DPP6: variants seen among roughly 807,000 people sequenced by gnomAD.
DPP6 encodes the protein A-type potassium channel modulatory protein DPP6.
DPP6 carries 69 observed loss-of-function variants against 122.6 expected under a neutral mutation model. That is an observed-to-expected ratio of 0.56 (90% CI 0.46 to 0.69). DPP6 has a LOEUF of 0.69. Among genes scored for constraint, DPP6 ranks in the 30% least tolerant of loss-of-function variants. The probability of loss-of-function intolerance (pLI) is 0.00; values close to 1 mark genes in which losing one functional copy is unlikely to be tolerated. For synonymous variants in DPP6, 418 were observed against 433.1 expected (o/e 0.97, Z 0.43); for missense variants, 928 against 1,116.9 (o/e 0.83, Z 2.41).
intron 1 of DPP6, among the ~76,000 whole-genome samples, chr7:154,412,109 G>A (rs1382059018): frequency 6.6e-6 from 1 of 152,102 alleles, no homozygotes; most frequent in Admixed American, 6.5e-5. Flanking sequence ...AGAGAGCTCT[G>A]TGGGGTCTCT....
At chr7:153,916,705 CCTT>C (rs1399980379) in intron 1 of DPP6, among the ~76,000 whole-genome samples, 8 of 152,058 alleles carry the variant, frequency 5.3e-5, no homozygotes, top group Non-Finnish European at 7.3e-5. Flanking sequence ...CTGCACCCGG[CCTT>C]CTTTTTTATT....
the DPP6 span, among the ~76,000 whole-genome samples, chr7:153,778,371 ATG>A: frequency 6.6e-6 from 1 of 152,088 alleles, no homozygotes; most frequent in Admixed American, 6.6e-5. Context: ...ATAAATATAA[ATG>A]TGTGTGTATA....
chr7:154,275,858 C>G (rs1804093525), intron 1 of DPP6, among the ~76,000 whole-genome samples: 1 of 152,210 alleles, frequency 6.6e-6, no homozygotes, highest in Non-Finnish European at 1.5e-5. Context: ...TGGAGATATC[C>G]ATGGCCATTC....
At chr7:153,944,388 C>T (rs1009969942) in intron 1 of DPP6, among the ~76,000 whole-genome samples, 2 of 152,218 alleles carry the variant, frequency 1.3e-5, no homozygotes, top group African/African-American at 4.8e-5. Context: ...AGGGCCCTGC[C>T]GGGTCATGTG....
the DPP6 span, among the ~76,000 whole-genome samples, chr7:153,757,125 G>T: frequency 2.0e-5 from 3 of 152,176 alleles, no homozygotes; most frequent in African/African-American, 7.2e-5. Context: ...AGTCAAAAGA[G>T]ATGGAGGAAG....
In DPP6 at chr7:154,801,463, G is replaced by A; in HGVS notation, c.1407+1G>A. On this transcript the variant is annotated splice_donor_variant, in intron 13 of 25. Coordinates refer to ENST00000377770, the MANE Select transcript of DPP6 (RefSeq NM_130797.4). LOFTEE classifies it high-confidence loss of function. ...TCACATCACGGTGTCCTCGTCCCAG[G>A]TAAGTCCTGCTAGTTTCCGGAGCTG... 2 of 1,571,692 alleles carry A rather than the reference G, an allele frequency of 1.3e-6. No individual in the cohort carries two copies. Among genetic ancestry groups the A allele is most frequent in the Non-Finnish European group, 1.7e-6 (2 of 1,156,942 alleles).
chr7:154,615,236 T>TA (rs995866392), intron 5 of DPP6, among the ~76,000 whole-genome samples: 14 of 152,156 alleles, frequency 9.2e-5, no homozygotes, highest in African/African-American at 2.9e-4. Context: ...AAGATTATCC[T>TA]AACGAGCCTC....
chr7:153,995,413 C>T (rs533267035), intron 1 of DPP6, among the ~76,000 whole-genome samples: 13 of 151,868 alleles, frequency 8.6e-5, no homozygotes, highest in Admixed American at 1.3e-4. Context: ...GGTGAAACCC[C>T]GTCTCTACTA....
At chr7:154,085,305 G>A (rs1311023174) in intron 1 of DPP6, among the ~76,000 whole-genome samples, 2 of 151,942 alleles carry the variant, frequency 1.3e-5, no homozygotes, top group Admixed American at 1.3e-4. Context: ...AGCTTTTCCG[G>A]ACATTCTGCA....
chr7:154,324,620 G>C (rs1261107379), intron 1 of DPP6, among the ~76,000 whole-genome samples: 1 of 152,040 alleles, frequency 6.6e-6, no homozygotes, highest in African/African-American at 2.4e-5. Context: ...GTCTGGGTTG[G>C]GGGTGTTTCC....
At chr7:154,186,582 G>T (rs559316559) in intron 1 of DPP6, among the ~76,000 whole-genome samples, 49 of 152,196 alleles carry the variant, frequency 3.2e-4, no homozygotes, top group Non-Finnish European at 6.8e-4. Flanking sequence ...AACTGACTTG[G>T]GGTCCCAAGC....
chr7:154,342,158 G>A (rs1156391885), intron 1 of DPP6, among the ~76,000 whole-genome samples: 2 of 152,210 alleles, frequency 1.3e-5, no homozygotes, highest in Non-Finnish European at 2.9e-5. Flanking sequence ...GGGAGGGAGA[G>A]AATGTCTAGG....
chr7:154,111,264 G>A (rs1305780502), intron 1 of DPP6, among the ~76,000 whole-genome samples: 6 of 152,224 alleles, frequency 3.9e-5, no homozygotes, highest in Non-Finnish European at 8.8e-5. Flanking sequence ...TGATCAGAGA[G>A]CAGGTCTTCA....
intron 5 of DPP6, among the ~76,000 whole-genome samples, chr7:154,571,431 A>T (rs766688553): frequency 5.9e-5 from 9 of 152,218 alleles, no homozygotes; most frequent in Non-Finnish European, 1.3e-4. Flanking sequence ...AGCTCATCTT[A>T]ACTATGCCAA....
chr7:154,572,275 A>G (rs1325507877), intron 5 of DPP6, among the ~76,000 whole-genome samples: 1 of 152,192 alleles, frequency 6.6e-6, no homozygotes, highest in South Asian at 2.1e-4. Flanking sequence ...AATCCTGATC[A>G]AACCTGCTTG....
At chr7:154,087,440 T>C (rs2150542051) in intron 1 of DPP6, among the ~76,000 whole-genome samples, 1 of 152,134 alleles carries the variant, frequency 6.6e-6, no homozygotes, top group African/African-American at 2.4e-5. Context: ...TGAATATGGG[T>C]TGGAGGGAGA....
At chr7:154,020,687 A>G (rs898002945) in intron 1 of DPP6, among the ~76,000 whole-genome samples, 2 of 152,306 alleles carry the variant, frequency 1.3e-5, no homozygotes, top group African/African-American at 2.4e-5. Flanking sequence ...AGTGAGCTCA[A>G]ATTCTCACTG....
At chr7:153,956,760 C>A (rs533006069) in intron 1 of DPP6, among the ~76,000 whole-genome samples, 5 of 152,180 alleles carry the variant, frequency 3.3e-5, no homozygotes, top group African/African-American at 4.8e-5. Context: ...CTCAGCTAAT[C>A]CCAGCCTCAG....
At chr7:154,438,096 A>G (rs1819020785) in intron 1 of DPP6, among the ~76,000 whole-genome samples, 1 of 152,130 alleles carries the variant, frequency 6.6e-6, no homozygotes, top group South Asian at 2.1e-4. Flanking sequence ...TGAAGCATCA[A>G]TGCTTGCTGT....
Sources: allele counts gnomAD v4.1 joint callset (sites outside exome capture counted in the v4.1 genomes callset), GRCh38; gene constraint gnomAD v4.1.1; transcripts MANE v1.5; gene names NCBI Gene and HGNC (gene_info 2026-07-23, HGNC 2026-07-21).